Variants in NCKAP5 observed in about 807,000 individuals in gnomAD.
The protein encoded by NCKAP5 is nck-associated protein 5.
Under a neutral mutation model 167.0 loss-of-function variants are expected in NCKAP5, and 92 were observed. That is an observed-to-expected ratio of 0.55 (90% confidence interval 0.47 to 0.66). The LOEUF is 0.66. NCKAP5 is among the 30% of genes least tolerant of loss of function. NCKAP5 has a pLI of 0.00. For missense variants in NCKAP5, 2,378 were observed against 2,315.0 expected (o/e 1.03, Z -0.56); for synonymous variants, 891 against 877.4 (o/e 1.02, Z -0.27).
chr2:133,435,994 T>C (rs1238969496), intron 3 of NCKAP5, among the ~76,000 whole-genome samples: 1 of 152,214 alleles, frequency 6.6e-6, no homozygotes, highest in Non-Finnish European at 1.5e-5. Flanking sequence ...TAGTTCAGTT[T>C]GAGGCATTAT....
intron 6 of NCKAP5, among the ~76,000 whole-genome samples, chr2:133,128,482 A>G (rs2082475303): frequency 2.0e-5 from 3 of 152,332 alleles, no homozygotes; most frequent in South Asian, 2.1e-4. Flanking sequence ...CCCTCATATT[A>G]ACTATAATTG....
rs965426406 is a variant in NCKAP5, at chr2:132,949,024, G to T, written c.579+14696C>A. On this transcript the variant is annotated intron_variant, in intron 8 of 19. Transcript: ENST00000409261. The stretch of plus-strand genomic sequence containing the variant: ...GAAATGAAAAGAAAAGAAAAGAAAA[G>T]AAAAGAAAAGAAAAGAAAAGAAAAG... Among the ~76,000 whole-genome samples, 31 of 149,700 alleles carry T rather than the reference G, an allele frequency of 2.1e-4. 1 individual carries two copies. The East Asian group carries it at 2.4e-3, about 11-fold the overall frequency.
chr2:132,714,298 G>A (rs1689145838), intron 19 of NCKAP5, among the ~76,000 whole-genome samples: 1 of 152,234 alleles, frequency 6.6e-6, no homozygotes, highest in East Asian at 1.9e-4. Context: ...AGGTCCCTGG[G>A]TTCCCCTCTC....
At chr2:133,228,526 C>T (rs1447869055) in intron 4 of NCKAP5, among the ~76,000 whole-genome samples, 1 of 152,214 alleles carries the variant, frequency 6.6e-6, no homozygotes, top group Non-Finnish European at 1.5e-5. Context: ...CTCTACAACA[C>T]TTAACCAGCT....
intron 5 of NCKAP5, among the ~76,000 whole-genome samples, chr2:133,209,171 A>G (rs914773474): frequency 6.6e-6 from 1 of 151,966 alleles, no homozygotes; most frequent in Non-Finnish European, 1.5e-5. Flanking sequence ...AATATTGAAG[A>G]CAACACTGAA....
At chr2:132,829,134 A>T (rs1253563409) in intron 11 of NCKAP5, among the ~76,000 whole-genome samples, 1 of 152,212 alleles carries the variant, frequency 6.6e-6, no homozygotes, top group Non-Finnish European at 1.5e-5. Flanking sequence ...GTCGTGTTGT[A>T]TTTATTGAAT....
intron 3 of NCKAP5, among the ~76,000 whole-genome samples, chr2:133,397,235 T>G (rs1344450343): frequency 6.6e-6 from 1 of 152,254 alleles, no homozygotes; most frequent in East Asian, 1.9e-4. Flanking sequence ...TTCATTCATT[T>G]ATGGCTGTTC....
intron 6 of NCKAP5, among the ~76,000 whole-genome samples, chr2:133,028,078 G>T (rs2078756953): frequency 6.6e-6 from 1 of 152,128 alleles, no homozygotes; most frequent in African/African-American, 2.4e-5. Context: ...TGCTCAACCA[G>T]TAAGTACAAT....
intron 3 of NCKAP5, among the ~76,000 whole-genome samples, chr2:133,436,699 G>A (rs1284411130): frequency 7.2e-5 from 11 of 152,068 alleles, no homozygotes; most frequent in Non-Finnish European, 1.0e-4. Context: ...CTTCGGCGTC[G>A]CCCTTCTAGG....
At chr2:133,570,649 T>A (rs748776992), upstream of NCKAP5, among the ~76,000 whole-genome samples, 2 of 152,232 alleles carry the variant, frequency 1.3e-5, no homozygotes, top group African/African-American at 4.8e-5. Context: ...ACCTTTTCCT[T>A]GTGCAATCCT....
At chr2:133,317,823 G>T (rs1574685134) in intron 3 of NCKAP5, among the ~76,000 whole-genome samples, 1 of 152,174 alleles carries the variant, frequency 6.6e-6, no homozygotes, top group South Asian at 2.1e-4. Flanking sequence ...TGCAAAGCAG[G>T]ACCCATCTGG....
At position 133,061,748 on chromosome 2, in the gene NCKAP5, A is replaced by AGAC. The variant is rs200019806; in HGVS notation, c.342-67512_342-67510dup. Among the ~76,000 whole-genome samples the AGAC allele has an allele frequency of 7.3e-3, 1,111 of 152,342 alleles. 7 individuals carry two copies. Among genetic ancestry groups the AGAC allele is most frequent in the Middle Eastern group, 0.031 (9 of 294 alleles). On this transcript the variant is annotated intron_variant, in intron 6 of 19. Coordinates refer to ENST00000409261, the MANE Select transcript of NCKAP5 (RefSeq NM_207363.3). Reference sequence around the variant, plus strand: ...AGAAAGATACAATTTCAGAAGAGAGAGACAGGTCATAATCAATCATAAGCT... The same window carrying AGAC: ...AGAAAGATACAATTTCAGAAGAGAGAGACGACAGGTCATAATCAATCATAAGCT...
intron 7 of NCKAP5, among the ~76,000 whole-genome samples, chr2:132,973,563 T>C (rs903475509): frequency 2.0e-5 from 3 of 152,192 alleles, no homozygotes; most frequent in African/African-American, 7.2e-5. Context: ...CTGTAAAAAC[T>C]CAACCTTGAG....
At chr2:133,211,143 C>A (rs1041722546) in intron 5 of NCKAP5, among the ~76,000 whole-genome samples, 1 of 152,146 alleles carries the variant, frequency 6.6e-6, no homozygotes, top group Non-Finnish European at 1.5e-5. Flanking sequence ...CCCCCTCCCC[C>A]AGACATCCCC....
intron 4 of NCKAP5, among the ~76,000 whole-genome samples, chr2:133,249,995 G>T (rs2088218719): frequency 3.4e-5 from 1 of 29,804 alleles, no homozygotes; most frequent in African/African-American, 1.2e-4. Context: ...CACCACCAAG[G>T]GTTTTATTAT....
Position 132,820,508 on chromosome 2 carries a change from G to T in NCKAP5, c.808-23779C>A, listed in dbSNP as rs191760981. 2.5e-3 allele frequency among the ~76,000 whole-genome samples: 375 copies of T among 152,078 alleles called. 1 individual carries two copies. Among genetic ancestry groups the T allele is most frequent in the African/African-American group, 8.6e-3 (358 of 41,488 alleles). On this transcript the variant is annotated intron_variant, in intron 11 of 19. Transcript: ENST00000409261. Reference sequence around the variant, plus strand: ...CTCCCAAAGTGCTGGGATTACAGGCGTGAGCCACCGAGCCCAGCCAGTGTT... The same window carrying T: ...CTCCCAAAGTGCTGGGATTACAGGCTTGAGCCACCGAGCCCAGCCAGTGTT...
chr2:133,607,207 A>T, the NCKAP5 span, among the ~76,000 whole-genome samples: 1 of 152,200 alleles, frequency 6.6e-6, no homozygotes, highest in Non-Finnish European at 1.5e-5. Flanking sequence ...AATGCCAAAG[A>T]GTCGTTTCCA....
intron 5 of NCKAP5, among the ~76,000 whole-genome samples, chr2:133,141,189 T>C (rs2082983373): frequency 6.6e-6 from 1 of 152,274 alleles, no homozygotes; most frequent in Admixed American, 6.6e-5. Flanking sequence ...TCCCTTACCA[T>C]TGCCTTCTCC....
chr2:133,082,188 T>C (rs2080833195), intron 6 of NCKAP5, among the ~76,000 whole-genome samples: 1 of 152,042 alleles, frequency 6.6e-6, no homozygotes, highest in African/African-American at 2.4e-5. Context: ...TTCACAGCAG[T>C]TTTAAATGAA....
Sources: allele counts gnomAD v4.1 joint callset (sites outside exome capture counted in the v4.1 genomes callset), GRCh38; gene constraint gnomAD v4.1.1; transcripts MANE v1.5; gene names NCBI Gene and HGNC (gene_info 2026-07-23, HGNC 2026-07-21).